The following KIF24 variants were observed in gnomAD, a reference collection of about 807,000 sequenced individuals.
KIF24 encodes kinesin family member 24.
Under a neutral mutation model 118.9 loss-of-function variants are expected in KIF24, and 81 were observed. The observed-to-expected ratio is 0.68, with a 90% CI of 0.57 to 0.82. The LOEUF (loss-of-function observed/expected upper bound fraction) is 0.82, where lower values mean the gene tolerates loss of function less well. Ranked by LOEUF, KIF24 falls within the 40% of genes least tolerant of loss-of-function variation. KIF24 has a pLI of 0.00. For synonymous variants in KIF24, 599 were observed against 610.0 expected (o/e 0.98, Z 0.27); for missense variants, 1,560 against 1,661.6 (o/e 0.94, Z 1.06).
At position 34,297,013 on chromosome 9, in the gene KIF24, G is replaced by T; in HGVS notation, c.911+4C>A. 1 of 1,460,892 alleles carries T rather than the reference G, an allele frequency of 6.8e-7. No individual in the cohort carries two copies. The highest frequency in any genetic ancestry group is 9.5e-7 in the Non-Finnish European group (1 of 1,052,828). 90.5% of individuals were successfully genotyped at this position (1,460,892 alleles called of 1,614,324 possible). A position where few individuals can be genotyped will look rare whatever the true frequency, so the allele number is the denominator to read the frequency against. On this transcript the variant is annotated splice_donor_region_variant and intron_variant, in intron 4 of 12. Coordinates refer to ENST00000402558, the MANE Select transcript of KIF24 (RefSeq NM_194313.4). ...GCAAAAAAAGCAAATAATCATTATC[G>T]TACCCATTGAAAATATGCTGAATAA...
intron 3 of KIF24, among the ~76,000 whole-genome samples, chr9:34,297,847 T>C (rs926119485): frequency 3.9e-5 from 6 of 151,946 alleles, no homozygotes; most frequent in Admixed American, 1.3e-4. Context: ...ATTCCATAAA[T>C]ATTTATGCTC....
intron 9 of KIF24, among the ~76,000 whole-genome samples, chr9:34,260,032 C>T (rs1030010217): frequency 9.9e-5 from 15 of 152,074 alleles, no homozygotes; most frequent in Non-Finnish European, 1.8e-4. Flanking sequence ...GACAAGCTTT[C>T]CAGAGGGCAG....
rs1011964647 is a variant in KIF24, at chr9:34,257,898, C to T, written c.1709G>A (p.Arg570Gln). The T allele has an allele frequency of 3.7e-6, 6 of 1,613,960 alleles. No individual in the cohort carries two copies. The African/African-American group carries it at 4.0e-5, about 11-fold the overall frequency. The change falls in exon 11 of 13, where the codon CGA becomes CAA. Residue 570 changes from arginine (R) to glutamine (Q), a missense_variant. By Grantham distance (43) the Arg-to-Gln change is conservative. Transcript: ENST00000402558. ...NRTSGNSSPK[R>Q]IQSSPGALSE... The stretch of plus-strand genomic sequence containing the variant: ...CAAAGCCCCAGGGGAGCTCTGAATT[C>T]GTTTTGGAGAGGAGTTTCCAGATGT...
At chr9:34,333,598 G>A, upstream of KIF24, among the ~76,000 whole-genome samples, 1 of 120,062 alleles carries the variant, frequency 8.3e-6, no homozygotes, top group Non-Finnish European at 1.6e-5. Context: ...AGTGAGCTGT[G>A]ATCATACCAT....
At chr9:34,316,414 G>A (rs1169609076) in intron 1 of KIF24, among the ~76,000 whole-genome samples, 1 of 151,402 alleles carries the variant, frequency 6.6e-6, no homozygotes, top group Non-Finnish European at 1.5e-5. Context: ...CATGACACCT[G>A]CTTATGTGGC....
At chr9:34,277,730 C>T (rs1014907012) in intron 6 of KIF24, among the ~76,000 whole-genome samples, 7 of 152,158 alleles carry the variant, frequency 4.6e-5, no homozygotes, top group Non-Finnish European at 8.8e-5. Flanking sequence ...TTTCCAATAA[C>T]AGCTTGCTGT....
chr9:34,275,018 G>A (rs1036473825), intron 6 of KIF24, among the ~76,000 whole-genome samples: 4 of 152,164 alleles, frequency 2.6e-5, no homozygotes, highest in Admixed American at 6.5e-5. Flanking sequence ...TGGGGATGTA[G>A]GGGTGGTTAA....
Position 34,257,353 on chromosome 9 carries a change from T to G in KIF24, c.2254A>C (p.Asn752His). ...PARPASEAWT[N>H]IPPHQKEREE... ...CTCTCCTTCTGATGTGGCGGGATGT[T>G]TGTCCAAGCTTCAGAGGCAGGCCTA... Residue 752 changes from asparagine (N) to histidine (H), a missense_variant, in exon 11 of 13, where the codon AAC (asparagine) becomes CAC (histidine). Asn to His is a moderately conservative substitution (Grantham distance 68). This residue lies in a region of KIF24 where 964 missense variants were observed against 988.0 expected (regional missense o/e 0.98). Coordinates refer to ENST00000402558, the MANE Select transcript of KIF24 (RefSeq NM_194313.4). The G allele has an allele frequency of 1.2e-6, 2 of 1,614,078 alleles. No individual in the cohort carries two copies. The highest frequency in any genetic ancestry group is 1.7e-6 in the Non-Finnish European group (2 of 1,179,900).
rs539600885 is a variant in KIF24, at chr9:34,324,006, TAATCA to T, written c.-26+5095_-26+5099del. Among the ~76,000 whole-genome samples, 379 of 152,346 alleles carry T rather than the reference TAATCA, an allele frequency of 2.5e-3. 5 individuals are homozygous for T. The highest frequency in any genetic ancestry group is 0.023 in the Admixed American group (345 of 15,302). Reference sequence around the variant, plus strand: ...ATAATTCTACACCACTAGTTTTAACTAATCAAATCTCACATAAGCAAGTGGCTAAT... The same window carrying T: ...ATAATTCTACACCACTAGTTTTAACTAATCTCACATAAGCAAGTGGCTAAT... On this transcript the variant is annotated intron_variant, in intron 1 of 12. Transcript: ENST00000402558.
At position 34,257,923 on chromosome 9, in the gene KIF24, T is replaced by G; in HGVS notation, c.1684A>C (p.Thr562Pro). 6.2e-7 allele frequency: 1 copy of G among 1,613,924 alleles called. No individual in the cohort carries two copies. Among genetic ancestry groups the G allele is most frequent in the Non-Finnish European group, 8.5e-7 (1 of 1,179,848 alleles). Residue 562 changes from threonine to proline, a missense_variant, in exon 11 of 13, where the codon ACA becomes CCA. Physicochemically the swap from Thr to Pro is conservative, Grantham distance 38. Around this residue, in one of 3 missense-constraint regions of KIF24, gnomAD observed 964 missense variants for 988.0 expected, o/e 0.98. Coordinates refer to ENST00000402558, the MANE Select transcript of KIF24 (RefSeq NM_194313.4). Reference sequence around the variant, plus strand: ...CGTTTTGGAGAGGAGTTTCCAGATGTCCGATTTCGACTGGTAACTGAAGTG... The same window carrying G: ...CGTTTTGGAGAGGAGTTTCCAGATGGCCGATTTCGACTGGTAACTGAAGTG... ...CCTSVTSRNR[T>P]SGNSSPKRIQ... is the part of the protein sequence containing the mutation.
upstream of KIF24, among the ~76,000 whole-genome samples, chr9:34,330,452 A>C (rs1336735403): frequency 1.3e-5 from 2 of 152,204 alleles, no homozygotes; most frequent in Non-Finnish European, 2.9e-5. Flanking sequence ...AAATTGTCAA[A>C]TGTAAAACGC....
At chr9:34,308,544 A>C (rs1270372293) in intron 2 of KIF24, among the ~76,000 whole-genome samples, 1 of 152,164 alleles carries the variant, frequency 6.6e-6, no homozygotes, top group Non-Finnish European at 1.5e-5. Context: ...TTGGCCTCCC[A>C]AAGTGCTGGG....
chr9:34,327,208 A>G (rs575889483), intron 1 of KIF24, among the ~76,000 whole-genome samples: 131 of 134,156 alleles, frequency 9.8e-4, no homozygotes, highest in African/African-American at 3.4e-3. Flanking sequence ...ATTTAACAAA[A>G]TGTGTTGAGG....
At position 34,310,809 on chromosome 9, in the gene KIF24, T is replaced by C. The variant is rs780079675; in HGVS notation, c.538A>G (p.Ile180Val). ...ATGGGAATATCACAATCCCCCAGTATTGCAGAAAGGTAATTTGGTGAAAAG... is the reference window on the plus strand; with the variant it reads ...ATGGGAATATCACAATCCCCCAGTACTGCAGAAAGGTAATTTGGTGAAAAG... ...SLFSPNYLSA[I>V]LGDCDIPIIQ... The change falls in exon 2 of 13, where the codon ATA becomes GTA. Residue 180 changes from isoleucine (I) to valine (V), a missense_variant. Around this residue, in one of 3 missense-constraint regions of KIF24, gnomAD observed 964 missense variants for 988.0 expected, o/e 0.98. Coordinates refer to ENST00000402558, the MANE Select transcript of KIF24 (RefSeq NM_194313.4). The C allele has an allele frequency of 6.1e-5, 98 of 1,613,422 alleles. No individual in the cohort carries two copies. The highest frequency in any genetic ancestry group is 8.2e-5 in the Non-Finnish European group (97 of 1,179,458).
Position 34,319,312 on chromosome 9 carries a change from T to C in KIF24, c.-25-7941A>G, listed in dbSNP as rs1006259389. ...GAAGAAGCAGAAGCCTGTCGCCATCTCCTTGCCCAAGCGGGTGGTGGAAGT... is the reference window on the plus strand; with the variant it reads ...GAAGAAGCAGAAGCCTGTCGCCATCCCCTTGCCCAAGCGGGTGGTGGAAGT... On this transcript the variant is annotated intron_variant, in intron 1 of 12. Coordinates refer to ENST00000402558, the MANE Select transcript of KIF24 (RefSeq NM_194313.4). The C allele has an allele frequency of 1.8e-5, 17 of 947,962 alleles. No homozygotes were observed. The African/African-American group carries it at 2.3e-4, about 13-fold the overall frequency. 58.7% of individuals were successfully genotyped at this position (947,962 alleles called of 1,614,324 possible). A position where few individuals can be genotyped will look rare whatever the true frequency, so the allele number is the denominator to read the frequency against.
At chr9:34,281,684 C>T (rs1353546300) in intron 6 of KIF24, among the ~76,000 whole-genome samples, 3 of 152,176 alleles carry the variant, frequency 2.0e-5, no homozygotes, top group Admixed American at 6.5e-5. Flanking sequence ...CTTTGGCATT[C>T]GCTGGAGGCA....
intron 1 of KIF24, among the ~76,000 whole-genome samples, chr9:34,324,830 T>C (rs928681376): frequency 6.6e-5 from 10 of 152,198 alleles, no homozygotes; most frequent in African/African-American, 2.2e-4. Flanking sequence ...TCCACTATCA[T>C]CAAACTTCCC....
Position 34,256,432 on chromosome 9 carries a change from T to TC in KIF24, c.3174dup (p.Asn1059GlufsTer40). ...GGAGGAGACCCTTCGTTGTCTGGGT[T>TC]CTCCAGGAGGGACATGGTGAGGGGA... On this transcript the variant is annotated frameshift_variant, in exon 11 of 13. Transcript: ENST00000402558. LOFTEE classifies it high-confidence loss of function. 2 of 1,613,876 alleles carry TC rather than the reference T, an allele frequency of 1.2e-6. No individual in the cohort carries two copies. Among genetic ancestry groups the TC allele is most frequent in the Non-Finnish European group, 1.7e-6 (2 of 1,179,854 alleles).
intron 3 of KIF24, among the ~76,000 whole-genome samples, chr9:34,302,773 T>C (rs980528157): frequency 6.9e-6 from 1 of 145,164 alleles, no homozygotes; most frequent in African/African-American, 2.5e-5. Flanking sequence ...CACCACCAGC[T>C]AATTTTTTTT....
Sources: gnomAD v4.1 joint callset for allele counts (sites outside exome capture counted in the v4.1 genomes callset) on GRCh38, gnomAD v4.1.1 for gene constraint, gnomAD v4.1.1 regional missense constraint, MANE v1.5 for transcripts, NCBI Gene and HGNC (gene_info 2026-07-23, HGNC 2026-07-21) for gene names.